FICD: variants seen among roughly 807,000 people sequenced by gnomAD.
FICD encodes FIC domain protein adenylyltransferase, also known as protein adenylyltransferase FICD.
In FICD, 13 loss-of-function variants were observed where a neutral mutation model predicts 28.0. The observed-to-expected ratio is 0.46, with a 90% confidence interval of 0.30 to 0.74. The LOEUF is 0.74. Among genes scored for constraint, FICD ranks in the 30% least tolerant of loss-of-function variants. FICD has a pLI of 0.07. For missense variants in FICD, 576 were observed against 624.5 expected (o/e 0.92, Z 0.83); for synonymous variants, 268 against 266.4 (o/e 1.01, Z -0.06).
chr12:108,519,603 T>TACAA lies in FICD; in HGVS notation c.*128_*129insACAA. The TACAA allele has an allele frequency of 2.1e-6, 1 of 472,310 alleles. No individual in the cohort carries two copies. Among genetic ancestry groups the TACAA allele is most frequent in the Non-Finnish European group, 3.7e-6 (1 of 272,464 alleles). 29.3% of individuals were successfully genotyped at this position (472,310 alleles called of 1,614,324 possible). A position where few individuals can be genotyped will look rare whatever the true frequency, so the allele number is the denominator to read the frequency against. ...TTCTTTACCTCCAAATGTTTTAGTT[T>TACAA]TAAAAAAAAAAAAAAACTAAGTTAT... On this transcript the variant is annotated 3_prime_UTR_variant, in exon 3 of 3. Coordinates refer to ENST00000552695, the MANE Select transcript of FICD (RefSeq NM_007076.3). This position sits in a 1 kb window ranked among gnomAD's most constrained non-coding sequence, Gnocchi z 4.5.
In FICD at chr12:108,517,219, A is replaced by G; in HGVS notation, c.247A>G (p.Ser83Gly). The change falls in exon 2 of 3, where the codon AGC becomes GGC. Residue 83 changes from serine to glycine, a missense_variant. Coordinates refer to ENST00000552695, the MANE Select transcript of FICD (RefSeq NM_007076.3). Reference sequence around the variant, plus strand: ...GTGCACCAGCCCGTCCACGGAGCTCAGCATCACCTCCAGGGGCGCGACGCT... The same window carrying G: ...GTGCACCAGCCCGTCCACGGAGCTCGGCATCACCTCCAGGGGCGCGACGCT... ...TKCTSPSTEL[S>G]ITSRGATLLV... The G allele has an allele frequency of 6.4e-7, 1 of 1,572,460 alleles. No homozygotes were observed. Among genetic ancestry groups the G allele is most frequent in the Non-Finnish European group, 8.6e-7 (1 of 1,158,440 alleles).
Position 108,518,920 on chromosome 12 carries a change from C to T in FICD, c.822C>T (p.Ile274=). The T allele has an allele frequency of 6.2e-7, 1 of 1,614,194 alleles. No individual in the cohort carries two copies. Among genetic ancestry groups the T allele is most frequent in the Non-Finnish European group, 8.5e-7 (1 of 1,180,028 alleles). ...VIGMHAAMKY[I]NTTLVSRIGS... ...GCATGCATGCAGCCATGAAGTACAT[C>T]AACACGACTCTGGTTTCGCGCATCG... Residue 274 remains isoleucine, a synonymous_variant, in exon 3 of 3, where the codon ATC becomes ATT. Coordinates refer to ENST00000552695, the MANE Select transcript of FICD (RefSeq NM_007076.3). The surrounding 1 kb of genome is among the most constrained non-coding windows in gnomAD (Gnocchi z 4.4).
intron 1 of FICD, among the ~76,000 whole-genome samples, chr12:108,516,148 G>A (rs771818774): frequency 6.6e-6 from 1 of 152,190 alleles, no homozygotes; most frequent in Non-Finnish European, 1.5e-5. Flanking sequence ...TACAAGCCAT[G>A]TTGTCACTGA....
At position 108,518,917 on chromosome 12, in the gene FICD, C is replaced by T. The variant is rs1270845667; in HGVS notation, c.819C>T (p.Tyr273=). Residue 273 remains tyrosine, a synonymous_variant, in exon 3 of 3, where the codon TAC becomes TAT. Coordinates refer to ENST00000552695, the MANE Select transcript of FICD (RefSeq NM_007076.3). The surrounding 1 kb of genome is among the most constrained non-coding windows in gnomAD (Gnocchi z 4.4). ...TAGGCATGCATGCAGCCATGAAGTACATCAACACGACTCTGGTTTCGCGCA... is the reference window on the plus strand; with the variant it reads ...TAGGCATGCATGCAGCCATGAAGTATATCAACACGACTCTGGTTTCGCGCA... ...EVIGMHAAMK[Y]INTTLVSRIG... The T allele has an allele frequency of 2.5e-6, 4 of 1,614,186 alleles. No homozygotes were observed. Among genetic ancestry groups the T allele is most frequent in the East Asian group, 2.2e-5 (1 of 44,872 alleles).
At position 108,519,129 on chromosome 12, in the gene FICD, T is replaced by C. The variant is rs201302178; in HGVS notation, c.1031T>C (p.Met344Thr). Reference protein sequence around the residue: ...FVQWLNSEEAMNLHPVEFAAL... With the variant: ...FVQWLNSEEATNLHPVEFAAL... ...CAGTGGCTCAACTCCGAGGAAGCCA[T>C]GAACCTGCACCCAGTGGAGTTTGCA... Residue 344 changes from methionine (M) to threonine (T), a missense_variant, in exon 3 of 3, where the codon ATG (methionine) becomes ACG (threonine). Met to Thr is a moderately conservative substitution (Grantham distance 81). Transcript: ENST00000552695. This position sits in a 1 kb window ranked among gnomAD's most constrained non-coding sequence, Gnocchi z 4.5. The C allele has an allele frequency of 5.5e-5, 89 of 1,614,228 alleles. No homozygotes were observed. The East Asian group carries it at 1.8e-3, about 33-fold the overall frequency.
Position 108,518,043 on chromosome 12 carries a change from T to A in FICD, c.302-357T>A, listed in dbSNP as rs1283189730. 1 of 687,192 alleles carries A rather than the reference T, an allele frequency of 1.5e-6. No individual in the cohort carries two copies. The highest frequency in any genetic ancestry group is 2.7e-6 in the Non-Finnish European group (1 of 376,206). The allele number at this position is 687,192 out of a possible 1,614,324, so 42.6% of individuals were successfully genotyped here. A position where few individuals can be genotyped will look rare whatever the true frequency, so the allele number is the denominator to read the frequency against. On this transcript the variant is annotated intron_variant, in intron 2 of 2. Transcript: ENST00000552695. This position sits in a 1 kb window ranked among gnomAD's most constrained non-coding sequence, Gnocchi z 4.4. ...TGGAGATGTAGGAGACGGCCTACAC[T>A]GGGAGCTGTGGCCCACAGGAAAGGC...
intron 2 of FICD, 182 bp downstream of exon 2, chr12:108,517,455 C>A: frequency 2.1e-6 from 1 of 481,334 alleles, no homozygotes; most frequent in Non-Finnish European, 3.4e-6. Context: ...GCATAAAGGG[C>A]TGTAGGAGCA....
At position 108,519,686 on chromosome 12, in the gene FICD, G is replaced by A; in HGVS notation, c.*211G>A. On this transcript the variant is annotated 3_prime_UTR_variant, in exon 3 of 3. Coordinates refer to ENST00000552695, the MANE Select transcript of FICD (RefSeq NM_007076.3). The surrounding 1 kb of genome is among the most constrained non-coding windows in gnomAD (Gnocchi z 4.5). ...ACCAAGCTATTTATTTTCTTCTTTG[G>A]AGCAAGCTAGTCAGTATTGTATGGT... The A allele has an allele frequency of 1.9e-6, 1 of 530,644 alleles. No individual in the cohort carries two copies. Among genetic ancestry groups the A allele is most frequent in the South Asian group, 2.7e-5 (1 of 37,646 alleles). The allele number at this position is 530,644 out of a possible 1,614,324, so 32.9% of individuals were successfully genotyped here.
chr12:108,517,954 G>C (rs1232583770), intron 2 of FICD, among the ~76,000 whole-genome samples: 1 of 152,182 alleles, frequency 6.6e-6, no homozygotes, highest in African/African-American at 2.4e-5. Flanking sequence ...TAGGAAGAGT[G>C]GGGAGTTGTT....
Position 108,517,065 on chromosome 12 carries a change from C to T in FICD, c.93C>T (p.Ser31=), listed in dbSNP as rs375982873. 19 of 1,602,712 alleles carry T rather than the reference C, an allele frequency of 1.2e-5. No homozygotes were observed. Among genetic ancestry groups the T allele is most frequent in the Non-Finnish European group, 1.5e-5 (18 of 1,173,140 alleles). The change falls in exon 2 of 3, where the codon AGC becomes AGT. Residue 31 remains serine, a synonymous_variant. Transcript: ENST00000552695. ...WSRFLWVTLL[S]MVLGSLLALL... ...GCTTCCTCTGGGTGACGCTGCTGAG[C>T]ATGGTGCTGGGGTCCCTGCTGGCCC...
chr12:108,519,496 A>C lies in FICD; in HGVS notation c.*21A>C, dbSNP rs1377655462. The stretch of plus-strand genomic sequence containing the variant: ...CCTAACCCTAGAAATCCTCAGTGAC[A>C]AAGGCTGTCCTGAGGTAGGAAAAAA... On this transcript the variant is annotated 3_prime_UTR_variant, in exon 3 of 3. Transcript: ENST00000552695. This position sits in a 1 kb window ranked among gnomAD's most constrained non-coding sequence, Gnocchi z 4.5. 1 of 1,521,166 alleles carries C rather than the reference A, an allele frequency of 6.6e-7. No individual in the cohort carries two copies. Among genetic ancestry groups the C allele is most frequent in the African/African-American group, 1.4e-5 (1 of 72,290 alleles). The allele number at this position is 1,521,166 out of a possible 1,614,324, so 94.2% of individuals were successfully genotyped here.
chr12:108,516,953 G>T lies in FICD; in HGVS notation c.-20G>T. On this transcript the variant is annotated 5_prime_UTR_variant, in exon 2 of 3. In the 5' UTR this introduces an upstream ATG that the reference lacks. Transcript: ENST00000552695. ...TCAGCCGCCTGTGGACATGCGCAAA[G>T]GGCCCTCTCCTGAGTCCAGATGATG... The T allele has an allele frequency of 6.9e-7, 1 of 1,450,616 alleles. No homozygotes were observed. Among genetic ancestry groups the T allele is most frequent in the South Asian group, 1.5e-5 (1 of 65,198 alleles). 89.9% of individuals were successfully genotyped at this position (1,450,616 alleles called of 1,614,324 possible). A position where few individuals can be genotyped will look rare whatever the true frequency, so the allele number is the denominator to read the frequency against.
chr12:108,519,715 T>C lies in FICD; in HGVS notation c.*240T>C. 4.8e-6 allele frequency: 2 copies of C among 413,412 alleles called. No individual in the cohort carries two copies. The highest frequency in any genetic ancestry group is 4.3e-6 in the Non-Finnish European group (1 of 233,990). The allele number at this position is 413,412 out of a possible 1,614,324, so 25.6% of individuals were successfully genotyped here. On this transcript the variant is annotated 3_prime_UTR_variant, in exon 3 of 3. Transcript: ENST00000552695. The surrounding 1 kb of genome is among the most constrained non-coding windows in gnomAD (Gnocchi z 4.5). ...AAGCTAGTCAGTATTGTATGGTGTC[T>C]GCTGTGTCTTGCTGGTGGCCGTGCT... is the stretch of plus-strand genomic sequence containing the variant.
At position 108,517,051 on chromosome 12, in the gene FICD, G is replaced by A. The variant is rs771440208; in HGVS notation, c.79G>A (p.Val27Met). The change falls in exon 2 of 3, where the codon GTG becomes ATG. Residue 27 changes from valine to methionine, a missense_variant. Coordinates refer to ENST00000552695, the MANE Select transcript of FICD (RefSeq NM_007076.3). ...CTCGGTCTGGAGCCGCTTCCTCTGG[G>A]TGACGCTGCTGAGCATGGTGCTGGG... ...WVSVWSRFLW[V>M]TLLSMVLGSL... 10 of 1,593,348 alleles carry A rather than the reference G, an allele frequency of 6.3e-6. No individual in the cohort carries two copies. The Admixed American group carries it at 1.6e-4, about 25-fold the overall frequency.
Position 108,518,317 on chromosome 12 carries a change from A to C in FICD, c.302-83A>C, listed in dbSNP as rs998151500. 6.9e-6 allele frequency: 8 copies of C among 1,163,094 alleles called. No homozygotes were observed. Among genetic ancestry groups the C allele is most frequent in the Non-Finnish European group, 8.9e-6 (7 of 786,236 alleles). The allele number at this position is 1,163,094 out of a possible 1,614,324, so 72.0% of individuals were successfully genotyped here. On this transcript the variant is annotated intron_variant, in intron 2 of 2. Transcript: ENST00000552695. This position sits in a 1 kb window ranked among gnomAD's most constrained non-coding sequence, Gnocchi z 4.4. ...GGCTGGTCATCATGGTTTCCTGCGG[A>C]GACCAGCACAGGGGACAGCCCCCCG...
At position 108,516,529 on chromosome 12, in the gene FICD, T is replaced by C. The variant is rs573366598; in HGVS notation, c.-58-386T>C. On this transcript the variant is annotated intron_variant, in intron 1 of 2. Transcript: ENST00000552695. ...TTCAAGTCCTAAGGCTGTCACTTGC[T>C]CCCGGCGAGACTTTCGGCAAGGGAC... Among the ~76,000 whole-genome samples the C allele has an allele frequency of 3.3e-5, 5 of 152,326 alleles. No homozygotes were observed. The South Asian group carries it at 1.0e-3, about 32-fold the overall frequency.
rs1565852833 is a variant in FICD at position 108,518,566 on chromosome 12, C to T, written c.468C>T (p.Ile156=). 1 of 1,614,234 alleles carries T rather than the reference C, an allele frequency of 6.2e-7. No individual in the cohort carries two copies. Among genetic ancestry groups the T allele is most frequent in the Admixed American group, 1.7e-5 (1 of 60,034 alleles). Residue 156 remains isoleucine (I), a synonymous_variant, in exon 3 of 3, where the codon ATC becomes ATT. Coordinates refer to ENST00000552695, the MANE Select transcript of FICD (RefSeq NM_007076.3). The surrounding 1 kb of genome is among the most constrained non-coding windows in gnomAD (Gnocchi z 4.4). The stretch of plus-strand genomic sequence containing the variant: ...TCTTCTCGGAAGAAGACAAGGACAT[C>T]ATCCAGGCGGACTACTTGTACACCA... The part of the protein sequence containing the change: ...FGIFSEEDKD[I]IQADYLYTRA...
In FICD at chr12:108,518,911, G is replaced by A; in HGVS notation, c.813G>A (p.Met271Ile). 6.2e-7 allele frequency: 1 copy of A among 1,614,154 alleles called. No individual in the cohort carries two copies. The highest frequency in any genetic ancestry group is 2.2e-5 in the East Asian group (1 of 44,876). Residue 271 changes from methionine to isoleucine, a missense_variant, in exon 3 of 3, where the codon ATG (methionine) becomes ATA (isoleucine). By Grantham distance (10) the Met-to-Ile change is conservative. Coordinates refer to ENST00000552695, the MANE Select transcript of FICD (RefSeq NM_007076.3). This position sits in a 1 kb window ranked among gnomAD's most constrained non-coding sequence, Gnocchi z 4.4. ...QNEVIGMHAA[M>I]KYINTTLVSR... ...AGGTCATAGGCATGCATGCAGCCAT[G>A]AAGTACATCAACACGACTCTGGTTT...
chr12:108,517,868 C>T (rs1035888259), intron 2 of FICD, among the ~76,000 whole-genome samples: 1 of 152,150 alleles, frequency 6.6e-6, no homozygotes, highest in African/African-American at 2.4e-5. Context: ...ACCAAATGTC[C>T]CCTGGGGCGC....
Sources: allele counts gnomAD v4.1 joint callset (sites outside exome capture counted in the v4.1 genomes callset), GRCh38; gene constraint gnomAD v4.1.1; non-coding constraint Gnocchi (gnomAD v3.1); transcripts MANE v1.5; gene names NCBI Gene and HGNC (gene_info 2026-07-23, HGNC 2026-07-21).